The following ALG9 variants were observed in gnomAD, a reference collection of about 807,000 sequenced individuals.
The protein encoded by ALG9 is alpha-1,2-mannosyltransferase ALG9.
ALG9 carries 55 observed loss-of-function variants against 81.8 expected under a neutral mutation model. That is an observed-to-expected ratio of 0.67 (90% CI 0.54 to 0.84). The LOEUF (loss-of-function observed/expected upper bound fraction) is 0.84, where lower values mean the gene tolerates loss of function less well. Among genes scored for constraint, ALG9 ranks in the 40% least tolerant of loss-of-function variants. The probability of loss-of-function intolerance (pLI) is 0.00; values close to 1 mark genes in which losing one functional copy is unlikely to be tolerated. For synonymous variants in ALG9, 278 were observed against 274.3 expected, an observed-to-expected ratio of 1.01 and a Z score of -0.13; for missense variants, 629 against 745.0, an observed-to-expected ratio of 0.84 and a Z score of 1.81.
chr11:111,854,050 C>G, intron 6 of ALG9, among the ~76,000 whole-genome samples: 1 of 151,956 alleles, frequency 6.6e-6, no homozygotes, highest in Non-Finnish European at 1.5e-5. Context: ...ACTAACCTCA[C>G]CCTTCCATGA....
At chr11:111,845,269 A>G in intron 8 of ALG9, 1 of 159,062 alleles carries the variant, frequency 6.3e-6, no homozygotes, top group Non-Finnish European at 1.4e-5. Context: ...GTGCCGCTGC[A>G]CTCCAGCCTG....
chr11:111,807,143 G>C (rs563330407), intron 14 of ALG9, among the ~76,000 whole-genome samples: 1 of 152,244 alleles, frequency 6.6e-6, no homozygotes, highest in Non-Finnish European at 1.5e-5. Flanking sequence ...AACTGAAAAT[G>C]ATCCTTTTAA....
chr11:111,848,618 GAAC>G (rs1957284182), intron 8 of ALG9, among the ~76,000 whole-genome samples: 1 of 150,742 alleles, frequency 6.6e-6, no homozygotes. Context: ...AGAAAACCAG[GAAC>G]AATAGAAAGG....
chr11:111,843,644 C>T (rs1245146076), intron 9 of ALG9, among the ~76,000 whole-genome samples: 1 of 152,174 alleles, frequency 6.6e-6, no homozygotes, highest in Admixed American at 6.5e-5. Context: ...TTCCAAACCT[C>T]ATATGAATTT....
intron 8 of ALG9, among the ~76,000 whole-genome samples, chr11:111,852,313 T>C (rs782687836): frequency 1.8e-4 from 28 of 152,336 alleles, no homozygotes; most frequent in South Asian, 1.2e-3. Context: ...GTTGGCTGAT[T>C]TGATCCAAAA....
intron 10 of ALG9, among the ~76,000 whole-genome samples, chr11:111,838,853 C>G (rs561982984): frequency 2.0e-4 from 30 of 152,008 alleles, no homozygotes; most frequent in Non-Finnish European, 4.4e-5. Context: ...TAGGAACATG[C>G]TCTTAATTAT....
At chr11:111,801,617 G>A (rs900218619) in intron 14 of ALG9, among the ~76,000 whole-genome samples, 10 of 152,190 alleles carry the variant, frequency 6.6e-5, no homozygotes, top group Non-Finnish European at 1.5e-4. Flanking sequence ...AGAATGGTAT[G>A]AACAGCAAGT....
chr11:111,816,738 A>C (rs969932098), intron 13 of ALG9, among the ~76,000 whole-genome samples: 1 of 152,068 alleles, frequency 6.6e-6, no homozygotes, highest in Non-Finnish European at 1.5e-5. Context: ...TAAATTTTTT[A>C]AAATAGAGAC....
At chr11:111,864,612 C>T (rs1328158669) in intron 4 of ALG9, among the ~76,000 whole-genome samples, 1 of 152,092 alleles carries the variant, frequency 6.6e-6, no homozygotes, top group Non-Finnish European at 1.5e-5. Context: ...TTAACATCTA[C>T]CTCTCTGAAT....
At chr11:111,840,581 T>C in intron 10 of ALG9, 74 bp downstream of exon 10, 3 of 1,556,516 alleles carry the variant, frequency 1.9e-6, no homozygotes, top group South Asian at 2.2e-5. Flanking sequence ...TTCTGTAATT[T>C]GCACTTAAGT....
At chr11:111,800,818 A>G (rs1949015416) in intron 14 of ALG9, among the ~76,000 whole-genome samples, 1 of 152,212 alleles carries the variant, frequency 6.6e-6, no homozygotes, top group Admixed American at 6.5e-5. Flanking sequence ...AGTGCCTGGC[A>G]ATGTTCAATA....
At chr11:111,828,110 C>T (rs1367230251) in intron 13 of ALG9, among the ~76,000 whole-genome samples, 1 of 152,014 alleles carries the variant, frequency 6.6e-6, no homozygotes, top group African/African-American at 2.4e-5. Context: ...AGGGGAATTG[C>T]TTGAACCAGA....
the ALG9 span, among the ~76,000 whole-genome samples, chr11:111,774,835 TATG>T: frequency 1.3e-5 from 2 of 152,220 alleles, no homozygotes; most frequent in Non-Finnish European, 1.5e-5. Context: ...CATAGATGTG[TATG>T]ATAAGTAACT....
chr11:111,816,240 C>A (rs920714418), intron 13 of ALG9, among the ~76,000 whole-genome samples: 1 of 152,182 alleles, frequency 6.6e-6, no homozygotes, highest in Non-Finnish European at 1.5e-5. Context: ...TTCTAGGCAT[C>A]CTCAAAGCAT....
chr11:111,806,973 A>G lies in ALG9; in HGVS notation c.1733+2670T>C, dbSNP rs145127411. On this transcript the variant is annotated intron_variant, in intron 14 of 14. Coordinates refer to ENST00000616540, the MANE Select transcript of ALG9 (RefSeq NM_024740.2). The stretch of plus-strand genomic sequence containing the variant: ...CTCCTTTCTTTCACACCTCAAATAC[A>G]GTGCATTTCTCTATATCCTCAGCAT... Among the ~76,000 whole-genome samples the G allele has an allele frequency of 6.6e-3, 1,003 of 152,128 alleles. 7 individuals are homozygous for G. Among genetic ancestry groups the G allele is most frequent in the Middle Eastern group, 0.051 (15 of 294 alleles).
At position 111,783,053 on chromosome 11, in the gene ALG9, A is replaced by G. The variant is rs1246477941; in HGVS notation, c.*3344T>C. The G allele has an allele frequency of 1.3e-5, 2 of 152,210 alleles. No homozygotes were observed. Among genetic ancestry groups the G allele is most frequent in the Non-Finnish European group, 2.9e-5 (2 of 68,062 alleles). 9.4% of individuals were successfully genotyped at this position (152,210 alleles called of 1,614,324 possible). A position where few individuals can be genotyped will look rare whatever the true frequency, so the allele number is the denominator to read the frequency against. ...GACTGGTTCAGTAATGGTACTCAGCATCACAAGATTTGGGGATTCAGATAA... is the reference window on the plus strand; with the variant it reads ...GACTGGTTCAGTAATGGTACTCAGCGTCACAAGATTTGGGGATTCAGATAA... On this transcript the variant is annotated 3_prime_UTR_variant, in exon 15 of 15. Coordinates refer to ENST00000616540, the MANE Select transcript of ALG9 (RefSeq NM_024740.2).
chr11:111,827,079 AATCT>A (rs1213699348), intron 13 of ALG9, among the ~76,000 whole-genome samples: 2 of 152,256 alleles, frequency 1.3e-5, no homozygotes, highest in East Asian at 1.9e-4. Flanking sequence ...CCAAATTTTT[AATCT>A]ATCAGGAAAT....
chr11:111,789,728 G>A (rs1555068719), intron 14 of ALG9, among the ~76,000 whole-genome samples: 2 of 151,586 alleles, frequency 1.3e-5, no homozygotes, highest in African/African-American at 4.8e-5. Context: ...GCTGAGGTAG[G>A]AGAATTGCTT....
chr11:111,809,427 G>A (rs1360263833), intron 14 of ALG9, among the ~76,000 whole-genome samples: 2 of 152,118 alleles, frequency 1.3e-5, no homozygotes, highest in Non-Finnish European at 2.9e-5. Context: ...CTACTTGGGA[G>A]GCTGAGGCAG....
Sources: allele counts gnomAD v4.1 joint callset (sites outside exome capture counted in the v4.1 genomes callset), GRCh38; gene constraint gnomAD v4.1.1; transcripts MANE v1.5; gene names NCBI Gene and HGNC (gene_info 2026-07-23, HGNC 2026-07-21).